NEXMIF: variants seen among roughly 807,000 people sequenced by gnomAD.
NEXMIF encodes the protein neurite extension and migration factor, also known as XLMR protein related to neurite extension.
A neutral mutation model predicts 62.1 loss-of-function variants in NEXMIF; 8 were observed. The observed-to-expected ratio is 0.13, with a 90% CI of 0.08 to 0.23. NEXMIF has a LOEUF of 0.23. Among genes scored for constraint, NEXMIF ranks in the 10% least tolerant of loss-of-function variants. NEXMIF has a pLI of 1.00. For missense variants in NEXMIF, 976 were observed against 1,113.3 expected (o/e 0.88, Z 1.75); for synonymous variants, 404 against 416.6 (o/e 0.97, Z 0.37).
intron 1 of NEXMIF, among the ~76,000 whole-genome samples, chrX:74,892,203 C>T (rs1294655189): frequency 8.9e-6 from 1 of 112,110 alleles, no homozygotes; most frequent in East Asian, 2.8e-4. Context: ...TTCAAAGCCT[C>T]AATGCAGAGG....
chrX:74,890,328 T>G (rs2147364826), intron 1 of NEXMIF, among the ~76,000 whole-genome samples: 1 of 111,063 alleles, frequency 9.0e-6, no homozygotes, highest in Non-Finnish European at 1.9e-5. Flanking sequence ...GGTACAACTT[T>G]ATTTTGAGGA....
At chrX:74,763,066 C>T (rs1242702948) in intron 1 of NEXMIF, among the ~76,000 whole-genome samples, 1 of 111,657 alleles carries the variant, frequency 9.0e-6, no homozygotes, top group Non-Finnish European at 1.9e-5. Context: ...AATGGTATTG[C>T]CTAGGTTTTC....
intron 1 of NEXMIF, among the ~76,000 whole-genome samples, chrX:74,900,437 C>G (rs2080745739): frequency 1.0e-5 from 1 of 97,056 alleles, no homozygotes; most frequent in South Asian, 5.1e-4. Context: ...GCACTCCAGC[C>G]TGGCAACAGA....
intron 1 of NEXMIF, among the ~76,000 whole-genome samples, chrX:74,757,502 G>A (rs780029444): frequency 2.7e-5 from 3 of 111,708 alleles, no homozygotes; most frequent in Admixed American, 9.5e-5. Context: ...GGTAAATTGC[G>A]GGTATCTTAT....
intron 1 of NEXMIF, among the ~76,000 whole-genome samples, chrX:74,763,153 A>G (rs1282971278): frequency 8.9e-6 from 1 of 112,044 alleles, no homozygotes; most frequent in Non-Finnish European, 1.9e-5. Context: ...GTAAGTTGTA[A>G]GGAAGGGATC....
chrX:74,829,106 A>G (rs1344916656), intron 1 of NEXMIF, among the ~76,000 whole-genome samples: 1 of 112,325 alleles, frequency 8.9e-6, no homozygotes. Context: ...TATGGGGTAC[A>G]TGAGATATTT....
At chrX:74,899,324 C>T (rs144485854) in intron 1 of NEXMIF, among the ~76,000 whole-genome samples, 289 of 111,046 alleles carry the variant, frequency 2.6e-3, no homozygotes, top group Middle Eastern at 9.3e-3. Flanking sequence ...ATATACAAAA[C>T]CCTAAAGATC....
At chrX:74,881,497 C>T (rs955812017) in intron 1 of NEXMIF, among the ~76,000 whole-genome samples, 22 of 107,628 alleles carry the variant, frequency 2.0e-4, no homozygotes, top group Admixed American at 1.5e-3. Flanking sequence ...TTCACTTAAA[C>T]CAGTGTTTCT....
At chrX:74,774,039 CA>C (rs2080221188) in intron 1 of NEXMIF, among the ~76,000 whole-genome samples, 1 of 109,352 alleles carries the variant, frequency 9.1e-6, no homozygotes, top group African/African-American at 3.3e-5. Flanking sequence ...TCAAACTTAT[CA>C]AAAGAACACA....
intron 1 of NEXMIF, chrX:74,769,868 C>T (rs774013384): frequency 3.2e-6 from 1 of 312,706 alleles, no homozygotes; most frequent in African/African-American, 2.7e-5. Flanking sequence ...TATGTACCAC[C>T]CTAAGATAGT....
At chrX:74,870,933 G>A (rs2080598327) in intron 1 of NEXMIF, among the ~76,000 whole-genome samples, 1 of 111,752 alleles carries the variant, frequency 8.9e-6, no homozygotes, top group Non-Finnish European at 1.9e-5. Flanking sequence ...ACTAAAGATA[G>A]AGCTACCACA....
At position 74,814,080 on chromosome X, in the gene NEXMIF, G is replaced by T. The variant is rs765338174; in HGVS notation, c.-47-68383C>A. Among the ~76,000 whole-genome samples, 6 of 111,559 alleles carry T rather than the reference G, an allele frequency of 5.4e-5. No homozygotes were observed. In the South Asian group the frequency reaches 2.3e-3, roughly 42 times the overall value. On this transcript the variant is annotated intron_variant, in intron 1 of 3. Transcript: ENST00000055682. ...CACATTCCAAGAAAATGGACAACAG[G>T]TTACCTGTTCTCACTCCAAGGAACT...
chrX:74,889,832 C>T (rs781083519), intron 1 of NEXMIF, among the ~76,000 whole-genome samples: 2 of 111,268 alleles, frequency 1.8e-5, no homozygotes, highest in East Asian at 5.7e-4. Flanking sequence ...ACAGAAAGAG[C>T]AATAAGAATG....
At chrX:74,782,528 A>G (rs1284699882) in intron 1 of NEXMIF, among the ~76,000 whole-genome samples, 2 of 110,466 alleles carry the variant, frequency 1.8e-5, no homozygotes, top group Non-Finnish European at 3.8e-5. Flanking sequence ...GGCCTTCTGT[A>G]TGGGGCCCTT....
At chrX:74,860,943 G>T (rs2080555088) in intron 1 of NEXMIF, among the ~76,000 whole-genome samples, 3 of 111,361 alleles carry the variant, frequency 2.7e-5, no homozygotes, top group Non-Finnish European at 5.7e-5. Context: ...AATAACAAAA[G>T]ATCAACAAAA....
chrX:74,865,450 G>A (rs1043868089), intron 1 of NEXMIF, among the ~76,000 whole-genome samples: 1 of 112,261 alleles, frequency 8.9e-6, no homozygotes, highest in Non-Finnish European at 1.9e-5. Flanking sequence ...TCAAAAGGAA[G>A]AAGAGCATAA....
intron 1 of NEXMIF, among the ~76,000 whole-genome samples, chrX:74,794,798 G>A (rs1226339504): frequency 1.8e-5 from 2 of 111,799 alleles, no homozygotes; most frequent in African/African-American, 3.2e-5. Context: ...GACCCCTTGC[G>A]CTTCCCAAGT....
chrX:74,916,439 T>C (rs2080807153), intron 1 of NEXMIF, among the ~76,000 whole-genome samples: 1 of 111,655 alleles, frequency 9.0e-6, no homozygotes, highest in Non-Finnish European at 1.9e-5. Flanking sequence ...AAAAGGTGAA[T>C]GGATTGATCC....
chrX:74,897,696 G>A (rs2080736897), intron 1 of NEXMIF, among the ~76,000 whole-genome samples: 1 of 111,492 alleles, frequency 9.0e-6, no homozygotes, highest in Non-Finnish European at 1.9e-5. Flanking sequence ...ACTAGAGGGG[G>A]TAATGGTGGA....
Sources: gnomAD v4.1 joint callset for allele counts (sites outside exome capture counted in the v4.1 genomes callset) on GRCh38, gnomAD v4.1.1 for gene constraint, MANE v1.5 for transcripts, NCBI Gene and HGNC (gene_info 2026-07-23, HGNC 2026-07-21) for gene names.